Variants in PI4K2A observed in about 807,000 individuals in gnomAD.
PI4K2A encodes phosphatidylinositol 4-kinase type 2 alpha.
A neutral mutation model predicts 55.0 loss-of-function variants in PI4K2A; 20 were observed. That is an observed-to-expected ratio of 0.36 (90% CI 0.26 to 0.53). The LOEUF is 0.53. Among genes scored for constraint, PI4K2A ranks in the 20% least tolerant of loss-of-function variants. The pLI, the probability that PI4K2A is intolerant of heterozygous loss-of-function variation, is 0.91. For synonymous variants in PI4K2A, 235 were observed against 258.5 expected (o/e 0.91, Z 0.87); for missense variants, 463 against 637.1 (o/e 0.73, Z 2.94).
intron 2 of PI4K2A, 127 bp downstream of exon 2, chr10:97,651,268 T>C (rs1165541413): frequency 1.1e-5 from 7 of 658,758 alleles, no homozygotes; most frequent in Non-Finnish European, 1.9e-5. Flanking sequence ...GGGTTCTCGA[T>C]CTTTTTTCGG....
At chr10:97,662,548 G>A (rs2041590193) in intron 4 of PI4K2A, among the ~76,000 whole-genome samples, 1 of 152,192 alleles carries the variant, frequency 6.6e-6, no homozygotes, top group Non-Finnish European at 1.5e-5. Flanking sequence ...CCCCTGATCA[G>A]TCACTGGATT....
At chr10:97,644,739 C>T (rs1400546921) in intron 1 of PI4K2A, among the ~76,000 whole-genome samples, 1 of 152,248 alleles carries the variant, frequency 6.6e-6, no homozygotes, top group Non-Finnish European at 1.5e-5. Context: ...GACTCTTCTA[C>T]TTACATTCCA....
intron 1 of PI4K2A, among the ~76,000 whole-genome samples, chr10:97,642,150 C>T (rs1325881668): frequency 1.3e-5 from 2 of 152,118 alleles, no homozygotes; most frequent in Non-Finnish European, 2.9e-5. Flanking sequence ...CCTGACATCT[C>T]TCCTGTGTGA....
At chr10:97,663,982 T>C (rs1399013547) in intron 5 of PI4K2A, among the ~76,000 whole-genome samples, 1 of 152,078 alleles carries the variant, frequency 6.6e-6, no homozygotes, top group Non-Finnish European at 1.5e-5. Flanking sequence ...GGCGCAAAAG[T>C]TGTTTAATGT....
intron 1 of PI4K2A, among the ~76,000 whole-genome samples, chr10:97,642,037 TTTTCAGGGAAG>T (rs1322389661): frequency 6.6e-6 from 1 of 152,314 alleles, no homozygotes; most frequent in Non-Finnish European, 1.5e-5. Context: ...GTCTTCCCTG[TTTTCAGGGAAG>T]TTTCAGGGAA....
intron 4 of PI4K2A, among the ~76,000 whole-genome samples, chr10:97,659,412 G>A (rs571153064): frequency 4.4e-4 from 66 of 151,490 alleles, no homozygotes; most frequent in African/African-American, 1.5e-3. Flanking sequence ...ATTTTTTTGT[G>A]TGGAAATTTT....
In PI4K2A at chr10:97,644,409, G is replaced by A. The variant is rs556393606; in HGVS notation, c.435+3232G>A. Among the ~76,000 whole-genome samples the A allele has an allele frequency of 2.0e-5, 3 of 152,178 alleles. No homozygotes were observed. The East Asian group carries it at 5.8e-4, about 29-fold the overall frequency. ...CTCTTCTCAGCTACTATATTGGTTA[G>A]TATTGAATTTGACTATATGTGACAG... On this transcript the variant is annotated intron_variant, in intron 1 of 8. Transcript: ENST00000370631.
exon 9 of PI4K2A, chr10:97,673,623 C>T: frequency 1.2e-6 from 2 of 1,614,142 alleles, no homozygotes; most frequent in Non-Finnish European, 1.7e-6. Context: ...CAAGAGTCCC[C>T]TGCACCTCGT....
intron 1 of PI4K2A, among the ~76,000 whole-genome samples, chr10:97,641,844 T>G (rs990822322): frequency 6.6e-6 from 1 of 152,208 alleles, no homozygotes; most frequent in African/African-American, 2.4e-5. Context: ...ACTTTTTCTT[T>G]CATTTCTCTC....
intron 1 of PI4K2A, among the ~76,000 whole-genome samples, chr10:97,647,915 C>CT (rs5787251): frequency 0.34 from 50,569 of 149,068 alleles, 10,034 homozygotes; most frequent in African/African-American, 0.56. Context: ...GTTCTGCTTG[C>CT]TTTTTTTTTG....
intron 4 of PI4K2A, among the ~76,000 whole-genome samples, chr10:97,661,093 A>G (rs1052060647): frequency 3.3e-5 from 5 of 151,858 alleles, no homozygotes; most frequent in Admixed American, 1.3e-4. Flanking sequence ...CCGGGTTCAC[A>G]CCATTCTCCT....
chr10:97,666,690 G>C (rs1237511763), intron 7 of PI4K2A, 119 bp downstream of exon 7: 15 of 844,122 alleles, frequency 1.8e-5, no homozygotes, highest in Non-Finnish European at 2.5e-5. Flanking sequence ...ACTTGAGTTA[G>C]CCAACGAATA....
chr10:97,667,166 G>A (rs1413612948), intron 8 of PI4K2A, 46 bp downstream of exon 8: 1 of 1,396,026 alleles, frequency 7.2e-7, no homozygotes, highest in Admixed American at 1.8e-5. Flanking sequence ...CTCTGGGAGT[G>A]TTGTGTGCTC....
chr10:97,658,545 A>G (rs150397591), intron 4 of PI4K2A, among the ~76,000 whole-genome samples: 1 of 152,304 alleles, frequency 6.6e-6, no homozygotes, highest in African/African-American at 2.4e-5. Context: ...TTTTTTGAGT[A>G]TATATCCAGA....
intron 5 of PI4K2A, among the ~76,000 whole-genome samples, chr10:97,664,397 A>G (rs2041600549): frequency 6.6e-6 from 1 of 151,930 alleles, no homozygotes; most frequent in Non-Finnish European, 1.5e-5. Flanking sequence ...AGGAGAACAG[A>G]CTCCCTTGTG....
intron 4 of PI4K2A, among the ~76,000 whole-genome samples, chr10:97,660,296 C>T (rs1479007065): frequency 5.6e-4 from 79 of 140,222 alleles, no homozygotes; most frequent in African/African-American, 1.7e-3. Context: ...CCACCGCGCC[C>T]GGCCTTTTTT....
At chr10:97,658,037 G>A (rs2041563654) in intron 4 of PI4K2A, among the ~76,000 whole-genome samples, 1 of 152,148 alleles carries the variant, frequency 6.6e-6, no homozygotes, top group South Asian at 2.1e-4. Context: ...GTTTCACCAT[G>A]TTGGCCAGGC....
intron 1 of PI4K2A, among the ~76,000 whole-genome samples, chr10:97,649,798 A>G: frequency 6.6e-6 from 1 of 151,000 alleles, no homozygotes; most frequent in Non-Finnish European, 1.5e-5. Flanking sequence ...TAATTTTTGT[A>G]TTTTTAGTAG....
At chr10:97,642,561 C>A (rs1228686786) in intron 1 of PI4K2A, among the ~76,000 whole-genome samples, 1 of 151,850 alleles carries the variant, frequency 6.6e-6, no homozygotes, top group Non-Finnish European at 1.5e-5. Flanking sequence ...CCACCACACC[C>A]AGCTAATTTT....
Sources: allele counts gnomAD v4.1 joint callset (sites outside exome capture counted in the v4.1 genomes callset), GRCh38; gene constraint gnomAD v4.1.1; transcripts MANE v1.5; gene names NCBI Gene and HGNC (gene_info 2026-07-23, HGNC 2026-07-21).